Variants in CUL1 observed in about 807,000 individuals in gnomAD.
The protein encoded by CUL1 is cullin-1.
CUL1 carries 24 observed loss-of-function variants against 118.0 expected under a neutral mutation model. That is an observed-to-expected ratio of 0.20 (90% confidence interval 0.15 to 0.29). The LOEUF is 0.29. Ranked by LOEUF, CUL1 falls within the 10% of genes least tolerant of loss-of-function variation. The probability of loss-of-function intolerance (pLI) is 1.00; values close to 1 mark genes in which losing one functional copy is unlikely to be tolerated. For missense variants in CUL1, 361 were observed against 933.8 expected (o/e 0.39, Z 7.99); for synonymous variants, 332 against 340.4 (o/e 0.98, Z 0.27).
Position 148,730,015 on chromosome 7 carries a change from C to A in CUL1, c.-108C>A. On this transcript the variant is annotated 5_prime_UTR_variant, in exon 2 of 22. The change creates a new upstream start codon in the 5' untranslated region. Transcript: ENST00000325222. Reference sequence around the variant, plus strand: ...ACATTTAAAGGACATCCTTTCTGAGCTGCTGTGAATAAATTTGGAATGGTA... The same window carrying A: ...ACATTTAAAGGACATCCTTTCTGAGATGCTGTGAATAAATTTGGAATGGTA... 1 of 1,218,858 alleles carries A rather than the reference C, an allele frequency of 8.2e-7. No individual in the cohort carries two copies. Among genetic ancestry groups the A allele is most frequent in the Non-Finnish European group, 1.1e-6 (1 of 883,162 alleles). The allele number at this position is 1,218,858 out of a possible 1,614,324, so 75.5% of individuals were successfully genotyped here.
chr7:148,723,677 G>A (rs13226400), intron 1 of CUL1, among the ~76,000 whole-genome samples: 1 of 150,722 alleles, frequency 6.6e-6, no homozygotes, highest in African/African-American at 2.4e-5. Context: ...AAAAAAAAGA[G>A]GTATATTTCA....
chr7:148,776,498 G>A lies in CUL1; in HGVS notation c.1084-7285G>A, dbSNP rs1269728582. 2.0e-5 allele frequency among the ~76,000 whole-genome samples: 3 copies of A among 151,494 alleles called. No individual in the cohort carries two copies. The East Asian group carries it at 5.8e-4, about 29-fold the overall frequency. On this transcript the variant is annotated intron_variant, in intron 9 of 21. Coordinates refer to ENST00000325222, the MANE Select transcript of CUL1 (RefSeq NM_003592.3). ...CACCTGGCTAATTTTTGTATTTTTA[G>A]TAGAGATGGGGTTTCACTATGTTGG...
intron 9 of CUL1, among the ~76,000 whole-genome samples, chr7:148,768,250 A>G (rs1238139056): frequency 6.6e-6 from 1 of 152,142 alleles, no homozygotes; most frequent in African/African-American, 2.4e-5. Flanking sequence ...AATTCAGGTC[A>G]TCTGTAATTC....
At position 148,732,502 on chromosome 7, in the gene CUL1, C is replaced by T. The variant is rs577967842; in HGVS notation, c.140+2240C>T. Among the ~76,000 whole-genome samples, 4 of 151,776 alleles carry T rather than the reference C, an allele frequency of 2.6e-5. No homozygotes were observed. The East Asian group carries it at 5.8e-4, about 22-fold the overall frequency. ...GACCACAGGCACGCACCATCATGCC[C>T]GGCTAATTTTTTTTTTTTTTTCCTA... On this transcript the variant is annotated intron_variant, in intron 2 of 21. Coordinates refer to ENST00000325222, the MANE Select transcript of CUL1 (RefSeq NM_003592.3).
intron 16 of CUL1, among the ~76,000 whole-genome samples, chr7:148,791,588 A>G (rs1332652103): frequency 6.6e-6 from 1 of 152,200 alleles, no homozygotes; most frequent in African/African-American, 2.4e-5. Flanking sequence ...TGCCGTGTTA[A>G]GGCAGCCCGG....
chr7:148,737,245 C>G (rs1482253641), intron 2 of CUL1, among the ~76,000 whole-genome samples: 1 of 151,160 alleles, frequency 6.6e-6, no homozygotes, highest in Non-Finnish European at 1.5e-5. Context: ...TGTTCTTCAG[C>G]TATTTTTCAA....
intron 2 of CUL1, among the ~76,000 whole-genome samples, chr7:148,752,387 T>G (rs371035541): frequency 8.0e-6 from 1 of 125,194 alleles, no homozygotes; most frequent in Non-Finnish European, 1.7e-5. Context: ...ATACAGTAGT[T>G]GTTTATTGTA....
chr7:148,787,749 G>A lies in CUL1; in HGVS notation c.1479+629G>A, dbSNP rs1800866247. 6.6e-6 allele frequency among the ~76,000 whole-genome samples: 1 copy of A among 152,140 alleles called. No individual in the cohort carries two copies. The highest frequency in any genetic ancestry group is 2.4e-5 in the African/African-American group (1 of 41,422). ...CACACTTCCACACTGTGCTGGCCTG[G>A]AGCTGAGTGGAGGTTTTGTTTGCTC... On this transcript the variant is annotated intron_variant, in intron 13 of 21. Transcript: ENST00000325222. The surrounding 1 kb of genome is among the most constrained non-coding windows in gnomAD (Gnocchi z 5.5).
At chr7:148,723,797 T>C (rs564478179) in intron 1 of CUL1, among the ~76,000 whole-genome samples, 1 of 152,098 alleles carries the variant, frequency 6.6e-6, no homozygotes, top group African/African-American at 2.4e-5. Context: ...ATCTTTTTTT[T>C]TTTTTCTTTT....
At chr7:148,734,075 C>G (rs1243434651) in intron 2 of CUL1, among the ~76,000 whole-genome samples, 2 of 151,920 alleles carry the variant, frequency 1.3e-5, no homozygotes, top group Non-Finnish European at 2.9e-5. Context: ...CATCTGCAGA[C>G]AGAAAGATCC....
intron 2 of CUL1, among the ~76,000 whole-genome samples, chr7:148,748,805 C>T (rs557315514): frequency 2.5e-4 from 38 of 152,176 alleles, no homozygotes; most frequent in Non-Finnish European, 4.7e-4. Context: ...ATAACATTCT[C>T]ATGTTTCCGC....
chr7:148,730,644 A>G (rs61609883), intron 2 of CUL1, among the ~76,000 whole-genome samples: 4,603 of 152,260 alleles, frequency 0.03, 248 homozygotes, highest in African/African-American at 0.11. Flanking sequence ...ATTTGTTTAT[A>G]TATTGTCTAT....
intron 2 of CUL1, among the ~76,000 whole-genome samples, chr7:148,743,589 C>CA (rs1317076793): frequency 6.6e-6 from 1 of 152,160 alleles, no homozygotes; most frequent in Non-Finnish European, 1.5e-5. Context: ...GTCTCCTTTA[C>CA]CCTTTAATTC....
At chr7:148,788,520 T>C in intron 13 of CUL1, 37 bp from the exon 14 acceptor site, 1 of 1,335,802 alleles carries the variant, frequency 7.5e-7, no homozygotes. Flanking sequence ...TGTATTTTTG[T>C]ACAAATTAAT....
chr7:148,715,067 A>C (rs1221731380), intron 1 of CUL1, among the ~76,000 whole-genome samples: 2 of 152,136 alleles, frequency 1.3e-5, no homozygotes, highest in African/African-American at 4.8e-5. Context: ...GATGTTTGTC[A>C]TGTCTGTTCA....
chr7:148,745,336 C>T (rs1029713365), intron 2 of CUL1, among the ~76,000 whole-genome samples: 2 of 152,150 alleles, frequency 1.3e-5, no homozygotes, highest in African/African-American at 2.4e-5. Flanking sequence ...TCAACTACAG[C>T]TGGTCTCTGT....
At chr7:148,753,321 C>T (rs921343069) in intron 2 of CUL1, among the ~76,000 whole-genome samples, 14 of 152,162 alleles carry the variant, frequency 9.2e-5, no homozygotes, top group Admixed American at 5.9e-4. Context: ...CAACAGAACA[C>T]GGTGGTTTTC....
At chr7:148,792,605 T>C (rs1481523587) in intron 16 of CUL1, 121 bp from the exon 17 acceptor site, 2 of 582,370 alleles carry the variant, frequency 3.4e-6, no homozygotes, top group Non-Finnish European at 5.8e-6. Context: ...GTGCTTTTTT[T>C]GTACTTGTTT....
chr7:148,727,271 A>G (rs1798617516), intron 1 of CUL1, among the ~76,000 whole-genome samples: 1 of 152,256 alleles, frequency 6.6e-6, no homozygotes, highest in Non-Finnish European at 1.5e-5. Context: ...ACAGCAAGAC[A>G]TAAATTTTAG....
Sources: allele counts gnomAD v4.1 joint callset (sites outside exome capture counted in the v4.1 genomes callset), GRCh38; gene constraint gnomAD v4.1.1; non-coding constraint Gnocchi (gnomAD v3.1); transcripts MANE v1.5; gene names NCBI Gene and HGNC (gene_info 2026-07-23, HGNC 2026-07-21).